The following GCNT1 variants were observed in gnomAD, a reference collection of about 807,000 sequenced individuals.
GCNT1 encodes glucosaminyl (N-acetyl) transferase 1.
GCNT1 carries 16 observed loss-of-function variants against 26.2 expected under a neutral mutation model. The observed-to-expected ratio is 0.61, with a 90% CI of 0.41 to 0.93. GCNT1 has a LOEUF of 0.93. Among genes scored for constraint, GCNT1 ranks in the 40% least tolerant of loss-of-function variants. The pLI, the probability that GCNT1 is intolerant of heterozygous loss-of-function variation, is 0.00. For synonymous variants in GCNT1, 183 were observed against 190.8 expected (o/e 0.96, Z 0.34); for missense variants, 477 against 526.7 (o/e 0.91, Z 0.92).
the GCNT1 span, among the ~76,000 whole-genome samples, chr9:76,398,466 G>T: frequency 2.6e-5 from 4 of 152,318 alleles, no homozygotes; most frequent in East Asian, 7.7e-4. Context: ...TTCATTGTTG[G>T]TGGGAATACA....
At chr9:76,443,097 C>T (rs1823505602) in intron 1 of GCNT1, among the ~76,000 whole-genome samples, 1 of 152,078 alleles carries the variant, frequency 6.6e-6, no homozygotes, top group South Asian at 2.1e-4. Context: ...TTCAATGGCT[C>T]ACACCTGTAA....
intron 1 of GCNT1, among the ~76,000 whole-genome samples, chr9:76,453,083 G>A (rs1156319469): frequency 6.6e-6 from 1 of 152,166 alleles, no homozygotes; most frequent in Non-Finnish European, 1.5e-5. Flanking sequence ...CACCCCTTAG[G>A]CTGTGAGTAT....
At chr9:76,415,910 C>T (rs1056049845), upstream of GCNT1, among the ~76,000 whole-genome samples, 1 of 152,164 alleles carries the variant, frequency 6.6e-6, no homozygotes, top group Non-Finnish European at 1.5e-5. Context: ...AGATTGCTCT[C>T]ATGCTTCCTG....
the GCNT1 span, among the ~76,000 whole-genome samples, chr9:76,397,652 C>T: frequency 1.3e-5 from 2 of 152,088 alleles, no homozygotes; most frequent in Admixed American, 1.3e-4. Flanking sequence ...TCATGTTGGC[C>T]AGGCTGTTCT....
At chr9:76,457,567 T>C (rs941371426), upstream of GCNT1, among the ~76,000 whole-genome samples, 1 of 152,230 alleles carries the variant, frequency 6.6e-6, no homozygotes, top group Admixed American at 6.5e-5. Context: ...ACTTTAAACT[T>C]ATGTTTAGCA....
chr9:76,463,759 A>G (rs779095036), intron 2 of GCNT1, among the ~76,000 whole-genome samples: 30 of 152,224 alleles, frequency 2.0e-4, no homozygotes, highest in Admixed American at 3.3e-4. Context: ...CCAAACACAT[A>G]GTCACACCGG....
At chr9:76,415,361 C>T (rs767364), upstream of GCNT1, among the ~76,000 whole-genome samples, 13,257 of 152,220 alleles carry the variant, frequency 0.087, 822 homozygotes, top group African/African-American at 0.17. Flanking sequence ...CTGACCTTGA[C>T]GGTGAACTTC....
At chr9:76,477,247 G>T (rs1207150399) in intron 2 of GCNT1, among the ~76,000 whole-genome samples, 2 of 151,874 alleles carry the variant, frequency 1.3e-5, no homozygotes, top group Non-Finnish European at 2.9e-5. Context: ...CTCTTCTGGG[G>T]CCTGGAGTGG....
chr9:76,425,465 C>T (rs12003653), intron 1 of GCNT1, among the ~76,000 whole-genome samples: 2,544 of 152,178 alleles, frequency 0.017, 69 homozygotes, highest in African/African-American at 0.057. Context: ...TCAGGTGATC[C>T]ACCCACCTCG....
rs532968590 is a variant in GCNT1 at position 76,461,219 on chromosome 9, C to T, written c.-290+1042C>T. On this transcript the variant is annotated intron_variant, in intron 2 of 3. Transcript: ENST00000376730. The stretch of plus-strand genomic sequence containing the variant: ...CTTTTTTTTTTTTTTTTTTTTTCCA[C>T]GAATAGCTGAGAACTTTTACTTAAA... 9.5e-5 allele frequency among the ~76,000 whole-genome samples: 13 copies of T among 136,472 alleles called. No homozygotes were observed. In the East Asian group the frequency reaches 1.9e-3, roughly 20 times the overall value. 89.5% of individuals were successfully genotyped at this position (136,472 alleles called of 152,430 possible).
chr9:76,468,708 C>G (rs550865508), intron 2 of GCNT1, among the ~76,000 whole-genome samples: 1 of 152,204 alleles, frequency 6.6e-6, no homozygotes, highest in Non-Finnish European at 1.5e-5. Flanking sequence ...AAATGTGTTG[C>G]CTCTTTCCAA....
At position 76,500,189 on chromosome 9, in the gene GCNT1, A is replaced by G. The variant is rs144599283; in HGVS notation, c.-289-727A>G. On this transcript the variant is annotated intron_variant, in intron 2 of 3. Coordinates refer to ENST00000376730, the MANE Select transcript of GCNT1 (RefSeq NM_001490.5). ...AGTTTATAATGTGTCAACCATGGAA[A>G]TCAGATCTCTACCCCTACCCTGAGG... Among the ~76,000 whole-genome samples the G allele has an allele frequency of 3.5e-4, 53 of 152,220 alleles. No individual in the cohort carries two copies. The East Asian group carries it at 0.01, about 29-fold the overall frequency.
At chr9:76,441,074 C>CAAAAAAAAA (rs1823478016), upstream of GCNT1, among the ~76,000 whole-genome samples, 1 of 141,936 alleles carries the variant, frequency 7.0e-6, no homozygotes. Flanking sequence ...CAAAAAAAAA[C>CAAAAAAAAA]AAAAAAACCT....
At chr9:76,437,759 G>A (rs1015934393), upstream of GCNT1, among the ~76,000 whole-genome samples, 3 of 152,174 alleles carry the variant, frequency 2.0e-5, no homozygotes, top group African/African-American at 7.2e-5. Flanking sequence ...CTTCTTGGAA[G>A]GGTGAGGGCA....
At chr9:76,394,189 G>T in the GCNT1 span, 1 of 1,581,856 alleles carries the variant, frequency 6.3e-7, no homozygotes, top group Non-Finnish European at 8.6e-7. Context: ...TCCGCTCGGG[G>T]AATGGGCTGC....
At chr9:76,435,246 A>G (rs1049216974) in intron 1 of GCNT1, among the ~76,000 whole-genome samples, 1 of 152,072 alleles carries the variant, frequency 6.6e-6, no homozygotes, top group African/African-American at 2.4e-5. Context: ...GGTGGGCATC[A>G]TGGACCTACT....
intron 1 of GCNT1, among the ~76,000 whole-genome samples, chr9:76,443,519 A>C (rs1823514401): frequency 6.6e-6 from 1 of 152,250 alleles, no homozygotes; most frequent in Admixed American, 6.5e-5. Context: ...TTGTGGCTTA[A>C]GAATGCCTTT....
the GCNT1 span, among the ~76,000 whole-genome samples, chr9:76,400,144 C>T: frequency 2.6e-5 from 4 of 152,180 alleles, no homozygotes; most frequent in Non-Finnish European, 5.9e-5. Flanking sequence ...CTGTATGATA[C>T]TGTCCTCATG....
chr9:76,444,684 C>G (rs2131583651), intron 1 of GCNT1, among the ~76,000 whole-genome samples: 1 of 152,316 alleles, frequency 6.6e-6, no homozygotes, highest in East Asian at 1.9e-4. Context: ...CAGATACAGG[C>G]AATTCTTTTG....
Sources: allele counts gnomAD v4.1 joint callset (sites outside exome capture counted in the v4.1 genomes callset), GRCh38; gene constraint gnomAD v4.1.1; transcripts MANE v1.5; gene names NCBI Gene and HGNC (gene_info 2026-07-23, HGNC 2026-07-21).